Variants in SDC2 observed in about 807,000 individuals in gnomAD.
The protein encoded by SDC2 is syndecan 2.
A neutral mutation model predicts 22.2 loss-of-function variants in SDC2; 13 were observed. The ratio of observed to expected loss-of-function variants is 0.59; its 90% confidence interval spans 0.38 to 0.93. The LOEUF (loss-of-function observed/expected upper bound fraction) is 0.93. Ranked by LOEUF, SDC2 falls within the 40% of genes least tolerant of loss-of-function variation. The probability of loss-of-function intolerance (pLI) is 0.00; values close to 1 mark genes in which losing one functional copy is unlikely to be tolerated. For missense variants in SDC2, 235 were observed against 246.8 expected (o/e 0.95, Z 0.32); for synonymous variants, 94 against 92.8 (o/e 1.01, Z -0.07).
At chr8:96,502,392 G>A (rs948704596) in intron 1 of SDC2, among the ~76,000 whole-genome samples, 6 of 152,138 alleles carry the variant, frequency 3.9e-5, no homozygotes, top group African/African-American at 1.4e-4. Flanking sequence ...CATATCACTA[G>A]TATTTTTTTA....
chr8:96,532,340 C>A (rs1169989803), intron 1 of SDC2, among the ~76,000 whole-genome samples: 5 of 147,542 alleles, frequency 3.4e-5, no homozygotes, highest in African/African-American at 1.3e-4. Flanking sequence ...CGCTGCCTAA[C>A]TGAGTTCTTG....
intron 1 of SDC2, among the ~76,000 whole-genome samples, chr8:96,522,163 A>G (rs1813506625): frequency 2.0e-5 from 3 of 152,186 alleles, no homozygotes; most frequent in South Asian, 4.1e-4. Context: ...GGTTATATCT[A>G]TAGCTGTAAA....
intron 1 of SDC2, among the ~76,000 whole-genome samples, chr8:96,582,745 C>T (rs778735039): frequency 2.0e-5 from 3 of 152,158 alleles, no homozygotes; most frequent in Non-Finnish European, 2.9e-5. Flanking sequence ...CATGTCAGCC[C>T]TGCAGGTGTG....
At chr8:96,607,492 A>C (rs530016297) in intron 3 of SDC2, among the ~76,000 whole-genome samples, 1 of 152,318 alleles carries the variant, frequency 6.6e-6, no homozygotes, top group East Asian at 1.9e-4. Flanking sequence ...CATTAATGGG[A>C]ATAGAAAAGG....
chr8:96,565,102 T>TTTTTTTTTTTTTTTTTTTTTTTG (rs1814277755), intron 1 of SDC2, among the ~76,000 whole-genome samples: 1 of 143,660 alleles, frequency 7.0e-6, no homozygotes, highest in Admixed American at 7.0e-5. Context: ...TTTTTTTTGT[T>TTTTTTTTTTTTTTTTTTTTTTTG]GAGATGGGGA....
chr8:96,603,866 A>G (rs1815033983), intron 3 of SDC2, among the ~76,000 whole-genome samples: 1 of 152,242 alleles, frequency 6.6e-6, no homozygotes, highest in Non-Finnish European at 1.5e-5. Flanking sequence ...GAGCCCTATG[A>G]GAACTGAGAC....
intron 1 of SDC2, among the ~76,000 whole-genome samples, chr8:96,540,257 C>T (rs1458260192): frequency 6.7e-6 from 1 of 150,128 alleles, no homozygotes; most frequent in Admixed American, 6.7e-5. Flanking sequence ...TTTGGGAGGC[C>T]GAGGTGGGTG....
chr8:96,570,520 A>G (rs2130581548), intron 1 of SDC2, among the ~76,000 whole-genome samples: 1 of 152,334 alleles, frequency 6.6e-6, no homozygotes, highest in South Asian at 2.1e-4. Flanking sequence ...ATGTAGACTT[A>G]CAAAGAAAAA....
chr8:96,573,432 G>A (rs571202702), intron 1 of SDC2, among the ~76,000 whole-genome samples: 36 of 83,426 alleles, frequency 4.3e-4, no homozygotes, highest in African/African-American at 1.3e-3. Flanking sequence ...AGGTTCCACC[G>A]TTGCAAAATG....
At chr8:96,553,990 A>C (rs889351808) in intron 1 of SDC2, among the ~76,000 whole-genome samples, 2 of 151,970 alleles carry the variant, frequency 1.3e-5, no homozygotes, top group East Asian at 3.9e-4. Flanking sequence ...GGGTTTCACC[A>C]TGTTGCCCAG....
chr8:96,608,508 A>T (rs1216470947), intron 4 of SDC2, 38 bp downstream of exon 4: 5 of 1,576,118 alleles, frequency 3.2e-6, no homozygotes, highest in Non-Finnish European at 3.5e-6. Context: ...GAGGGTGCCT[A>T]CATAGGCCTC....
chr8:96,494,134 A>C lies in SDC2; in HGVS notation c.-138A>C. The stretch of plus-strand genomic sequence containing the variant: ...CGAGCGCCCCCGAGCCCCGAGCCCG[A>C]GTCCCCGAGCCTGAGCCGCAATCGC... On this transcript the variant is annotated 5_prime_UTR_variant, in exon 1 of 5. Transcript: ENST00000302190. The C allele has an allele frequency of 1.2e-6, 1 of 830,454 alleles. No individual in the cohort carries two copies. Among genetic ancestry groups the C allele is most frequent in the South Asian group, 1.8e-5 (1 of 56,526 alleles). The allele number at this position is 830,454 out of a possible 1,614,324, so 51.4% of individuals were successfully genotyped here.
At chr8:96,539,610 A>G (rs1813812882) in intron 1 of SDC2, among the ~76,000 whole-genome samples, 2 of 152,228 alleles carry the variant, frequency 1.3e-5, no homozygotes. Context: ...GATCAAAAGG[A>G]AATGTAGGAA....
rs979197860 is a variant in SDC2 at position 96,502,887 on chromosome 8, G to C, written c.60+8556G>C. 3.3e-5 allele frequency among the ~76,000 whole-genome samples: 5 copies of C among 152,176 alleles called. No homozygotes were observed. The South Asian group carries it at 6.2e-4, about 19-fold the overall frequency. On this transcript the variant is annotated intron_variant, in intron 1 of 4. Coordinates refer to ENST00000302190, the MANE Select transcript of SDC2 (RefSeq NM_002998.4). ...TGCTAGTTATAATTCCTGGCTTTCT[G>C]CTTCTCTGAAGAATAAGGGCTTGGC...
chr8:96,587,495 G>T (rs768863938), intron 1 of SDC2, among the ~76,000 whole-genome samples: 3 of 152,120 alleles, frequency 2.0e-5, no homozygotes, highest in South Asian at 2.1e-4. Flanking sequence ...GTAAACAAAG[G>T]GCTCTTTCCT....
chr8:96,561,693 C>T (rs1344621633), intron 1 of SDC2, among the ~76,000 whole-genome samples: 1 of 152,222 alleles, frequency 6.6e-6, no homozygotes, highest in Non-Finnish European at 1.5e-5. Context: ...TTCCCAGTTG[C>T]TTCCCTTAAT....
chr8:96,608,551 A>C, intron 4 of SDC2, 81 bp downstream of exon 4: 1 of 1,262,622 alleles, frequency 7.9e-7, no homozygotes, highest in Non-Finnish European at 1.1e-6. Context: ...AAGTGCAGCA[A>C]AGCTTGCTGT....
Position 96,598,940 on chromosome 8 carries a change from C to A in SDC2, c.173-3455C>A, listed in dbSNP as rs1586323692. Reference sequence around the variant, plus strand: ...AGACAGATTGCCCATCTGTCTCTATCTTTTTTTTTTTTTTTTTTTGAGACA... The same window carrying A: ...AGACAGATTGCCCATCTGTCTCTATATTTTTTTTTTTTTTTTTTTGAGACA... On this transcript the variant is annotated intron_variant, in intron 2 of 4. Transcript: ENST00000302190. Among the ~76,000 whole-genome samples the A allele has an allele frequency of 2.4e-5, 3 of 127,466 alleles. No homozygotes were observed. In the Admixed American group the frequency reaches 2.5e-4, roughly 11 times the overall value. The allele number at this position is 127,466 out of a possible 152,430, so 83.6% of individuals were successfully genotyped here.
chr8:96,567,517 C>CTT (rs1410706797), intron 1 of SDC2, among the ~76,000 whole-genome samples: 5 of 152,204 alleles, frequency 3.3e-5, no homozygotes, highest in Admixed American at 3.3e-4. Context: ...CTTCCCCACT[C>CTT]TGAGTCTCCA....
Sources: allele counts gnomAD v4.1 joint callset (sites outside exome capture counted in the v4.1 genomes callset), GRCh38; gene constraint gnomAD v4.1.1; transcripts MANE v1.5; gene names NCBI Gene and HGNC (gene_info 2026-07-23, HGNC 2026-07-21).